AP4E1: variants seen among roughly 807,000 people sequenced by gnomAD.
The protein encoded by AP4E1 is adaptor related protein complex 4 subunit epsilon 1.
A neutral mutation model predicts 128.2 loss-of-function variants in AP4E1; 56 were observed. The observed-to-expected ratio is 0.44, with a 90% CI of 0.35 to 0.55. AP4E1 has a LOEUF of 0.55. Ranked by LOEUF, AP4E1 falls within the 20% of genes least tolerant of loss-of-function variation. AP4E1 has a pLI of 0.00. For synonymous variants in AP4E1, 484 were observed against 473.1 expected (o/e 1.02, Z -0.30); for missense variants, 1,324 against 1,307.7 (o/e 1.01, Z -0.19).
intron 15 of AP4E1, among the ~76,000 whole-genome samples, chr15:50,971,131 A>G (rs536341581): frequency 6.6e-5 from 10 of 152,322 alleles, no homozygotes; most frequent in South Asian, 4.1e-4. Flanking sequence ...AGGGTGGTCT[A>G]CTGGTGATGA....
Position 50,908,728 on chromosome 15 carries a change from CG to C in AP4E1, c.-48del. 6.8e-7 allele frequency: 1 copy of C among 1,473,146 alleles called. No homozygotes were observed. 91.3% of individuals were successfully genotyped at this position (1,473,146 alleles called of 1,614,324 possible). A position where few individuals can be genotyped will look rare whatever the true frequency, so the allele number is the denominator to read the frequency against. On this transcript the variant is annotated 5_prime_UTR_variant, in exon 1 of 21. Coordinates refer to ENST00000261842, the MANE Select transcript of AP4E1 (RefSeq NM_007347.5). ...CGGCAGCGGCGGCCGGGCATGAAGC[CG>C]GGCGGCTACGGGATCGCGGGCGGCG...
chr15:50,930,799 A>T lies in AP4E1; in HGVS notation c.703-6A>T. 1.9e-6 allele frequency: 3 copies of T among 1,613,004 alleles called. No homozygotes were observed. The highest frequency in any genetic ancestry group is 2.7e-5 in the African/African-American group (2 of 74,744). On this transcript the variant is annotated splice_region_variant and splice_polypyrimidine_tract_variant and intron_variant, in intron 6 of 20. Transcript: ENST00000261842. ...TTAACAAAGTTTTTTTTGCGGGGGGATGTAGGAGAATTCATCTGGATATAA... is the reference window on the plus strand; with the variant it reads ...TTAACAAAGTTTTTTTTGCGGGGGGTTGTAGGAGAATTCATCTGGATATAA...
chr15:50,971,270 CCCATTTTCT>C (rs1168943758), intron 15 of AP4E1, among the ~76,000 whole-genome samples: 4 of 152,214 alleles, frequency 2.6e-5, no homozygotes, highest in African/African-American at 9.6e-5. Flanking sequence ...AATATATCAT[CCCATTTTCT>C]CCTGGCCTCT....
Position 50,925,101 on chromosome 15 carries a change from C to A in AP4E1, c.424C>A (p.Leu142Met). The A allele has an allele frequency of 1.2e-6, 2 of 1,613,984 alleles. No homozygotes were observed. The highest frequency in any genetic ancestry group is 1.7e-6 in the Non-Finnish European group (2 of 1,179,908). The change falls in exon 5 of 21, where the codon CTG becomes ATG. Residue 142 changes from leucine (L) to methionine (M), a missense_variant. Coordinates refer to ENST00000261842, the MANE Select transcript of AP4E1 (RefSeq NM_007347.5). ...LLLVNTVVKD[L>M]QSTNLVEVCM... is the part of the protein sequence containing the mutation. ...TCTTTGCTTAATGTTGTGCCAGGAT[C>A]TGCAGAGCACTAACCTAGTAGAAGT... is the stretch of plus-strand genomic sequence containing the variant.
chr15:51,001,565 A>G (rs1399386214), intron 20 of AP4E1, among the ~76,000 whole-genome samples: 1 of 152,078 alleles, frequency 6.6e-6, no homozygotes. Flanking sequence ...TCTTGTCTCT[A>G]TGAACTTGAC....
At chr15:50,947,007 CTAAA>C (rs1325663499) in intron 10 of AP4E1, among the ~76,000 whole-genome samples, 1 of 151,692 alleles carries the variant, frequency 6.6e-6, no homozygotes, top group Non-Finnish European at 1.5e-5. Flanking sequence ...CCGATCTCTA[CTAAA>C]AATACAAAAA....
intron 8 of AP4E1, among the ~76,000 whole-genome samples, chr15:50,939,770 T>G (rs1449496194): frequency 6.6e-6 from 1 of 152,160 alleles, no homozygotes; most frequent in Non-Finnish European, 1.5e-5. Context: ...AAGAGAGTTC[T>G]TAATGGTAGG....
intron 15 of AP4E1, among the ~76,000 whole-genome samples, chr15:50,983,473 G>A (rs2064670096): frequency 6.6e-6 from 1 of 152,112 alleles, no homozygotes. Context: ...AAGGGAGAGT[G>A]GATATTGGCA....
chr15:50,943,261 T>TAA (rs1033134578), intron 10 of AP4E1, among the ~76,000 whole-genome samples: 2 of 152,198 alleles, frequency 1.3e-5, no homozygotes, highest in Non-Finnish European at 2.9e-5. Flanking sequence ...TACTAAATAC[T>TAA]AAACATCTAA....
chr15:50,968,049 G>A (rs560301108), intron 14 of AP4E1, among the ~76,000 whole-genome samples: 2 of 152,194 alleles, frequency 1.3e-5, no homozygotes, highest in African/African-American at 4.8e-5. Flanking sequence ...CAAACTCCTG[G>A]CCTCAAGTGA....
chr15:50,909,031 C>T, intron 1 of AP4E1, 103 bp downstream of exon 1: 2 of 1,535,822 alleles, frequency 1.3e-6, no homozygotes, highest in Non-Finnish European at 1.7e-6. Context: ...GGGGTTAGCC[C>T]TCCGGCGGGG....
At chr15:50,913,616 G>A (rs1330882954) in intron 2 of AP4E1, among the ~76,000 whole-genome samples, 2 of 152,210 alleles carry the variant, frequency 1.3e-5, no homozygotes, top group Non-Finnish European at 2.9e-5. Flanking sequence ...AAAAATAAAT[G>A]CATGAGATGT....
intron 7 of AP4E1, among the ~76,000 whole-genome samples, chr15:50,933,022 A>G (rs2063855021): frequency 6.6e-6 from 1 of 152,222 alleles, no homozygotes; most frequent in African/African-American, 2.4e-5. Flanking sequence ...GTTATCAGGA[A>G]GTAACTTGGG....
intron 15 of AP4E1, among the ~76,000 whole-genome samples, chr15:50,969,680 A>G (rs911100311): frequency 5.0e-5 from 7 of 140,768 alleles, no homozygotes; most frequent in Non-Finnish European, 9.2e-5. Context: ...TTTTTTTTAG[A>G]CAGAGTCTGG....
intron 16 of AP4E1, among the ~76,000 whole-genome samples, chr15:50,991,627 A>G (rs976186553): frequency 2.0e-5 from 3 of 152,156 alleles, no homozygotes; most frequent in Non-Finnish European, 4.4e-5. Context: ...GATACTCAGC[A>G]GTAAAAATCA....
At chr15:50,923,059 G>C (rs1356940895) in intron 3 of AP4E1, among the ~76,000 whole-genome samples, 1 of 152,154 alleles carries the variant, frequency 6.6e-6, no homozygotes, top group Non-Finnish European at 1.5e-5. Context: ...TAACAGGCGT[G>C]AGCCACCACG....
intron 10 of AP4E1, among the ~76,000 whole-genome samples, chr15:50,946,508 T>C (rs2064063719): frequency 6.6e-6 from 1 of 152,128 alleles, no homozygotes; most frequent in Non-Finnish European, 1.5e-5. Context: ...ATAACTTTTA[T>C]AAATAATATT....
At position 51,005,269 on chromosome 15, in the gene AP4E1, T is replaced by A. The variant is rs2065005812; in HGVS notation, c.*2607T>A. 6.6e-6 allele frequency: 1 copy of A among 152,470 alleles called. No individual in the cohort carries two copies. The highest frequency in any genetic ancestry group is 1.5e-5 in the Non-Finnish European group (1 of 68,096). The allele number at this position is 152,470 out of a possible 1,614,324, so 9.4% of individuals were successfully genotyped here. A position where few individuals can be genotyped will look rare whatever the true frequency, so the allele number is the denominator to read the frequency against. ...AAGGGACAACATCTGGGGTAAGAGCTATGGAGGAGGTGCTCAGCTTTGTGA... is the reference window on the plus strand; with the variant it reads ...AAGGGACAACATCTGGGGTAAGAGCAATGGAGGAGGTGCTCAGCTTTGTGA... On this transcript the variant is annotated 3_prime_UTR_variant, in exon 21 of 21. Coordinates refer to ENST00000261842, the MANE Select transcript of AP4E1 (RefSeq NM_007347.5).
intron 16 of AP4E1, among the ~76,000 whole-genome samples, chr15:50,988,613 C>T (rs555806444): frequency 6.6e-6 from 1 of 152,070 alleles, no homozygotes; most frequent in Non-Finnish European, 1.5e-5. Flanking sequence ...CCGTGCCCAG[C>T]CTATTTATTA....
Sources: gnomAD v4.1 joint callset for allele counts (sites outside exome capture counted in the v4.1 genomes callset) on GRCh38, gnomAD v4.1.1 for gene constraint, MANE v1.5 for transcripts, NCBI Gene and HGNC (gene_info 2026-07-23, HGNC 2026-07-21) for gene names.